LRRC69: variants seen among roughly 807,000 people sequenced by gnomAD.
LRRC69 encodes the protein leucine rich repeat containing 69.
Under a neutral mutation model 37.8 loss-of-function variants are expected in LRRC69, and 42 were observed. The observed-to-expected ratio is 1.11, with a 90% CI of 0.87 to 1.44. The LOEUF (loss-of-function observed/expected upper bound fraction) is 1.44. Among genes scored for constraint, LRRC69 ranks in the 40% most tolerant of loss-of-function variants. The probability of loss-of-function intolerance (pLI) is 0.00; values close to 1 mark genes in which losing one functional copy is unlikely to be tolerated. For synonymous variants in LRRC69, 141 were observed against 143.1 expected (o/e 0.99, Z 0.11); for missense variants, 357 against 401.9 (o/e 0.89, Z 0.96).
At chr8:91,125,155 T>A (rs1214882353) in intron 2 of LRRC69, among the ~76,000 whole-genome samples, 1 of 151,776 alleles carries the variant, frequency 6.6e-6, no homozygotes, top group Non-Finnish European at 1.5e-5. Flanking sequence ...ATTCCTAGAG[T>A]GGGCTTAAGG....
chr8:91,190,259 G>T (rs1334643770), intron 6 of LRRC69, among the ~76,000 whole-genome samples: 1 of 151,242 alleles, frequency 6.6e-6, no homozygotes, highest in Non-Finnish European at 1.5e-5. Flanking sequence ...TTGTCCAGTG[G>T]CTTACTTTGT....
intron 5 of LRRC69, among the ~76,000 whole-genome samples, chr8:91,159,006 T>C (rs768762279): frequency 6.6e-6 from 1 of 151,180 alleles, no homozygotes; most frequent in African/African-American, 2.4e-5. Flanking sequence ...AGTCTAATCA[T>C]ATCACCACTA....
chr8:91,217,938 G>C (rs1810083865), intron 7 of LRRC69, among the ~76,000 whole-genome samples: 1 of 152,118 alleles, frequency 6.6e-6, no homozygotes, highest in Admixed American at 6.6e-5. Context: ...TGTGTGAAGG[G>C]GATGTGACTT....
chr8:91,153,911 A>G (rs1808786657), intron 5 of LRRC69, among the ~76,000 whole-genome samples: 1 of 151,874 alleles, frequency 6.6e-6, no homozygotes, highest in Admixed American at 6.6e-5. Flanking sequence ...TTCAAAAAAA[A>G]TCAATGAATC....
intron 3 of LRRC69, among the ~76,000 whole-genome samples, 153 bp from the exon 4 acceptor site, chr8:91,132,957 A>G (rs1375860081): frequency 2.0e-5 from 3 of 152,140 alleles, no homozygotes; most frequent in Non-Finnish European, 4.4e-5. Context: ...TTTTATACTC[A>G]TGATCACAAT....
intron 5 of LRRC69, among the ~76,000 whole-genome samples, chr8:91,168,418 A>G (rs1450913578): frequency 1.3e-5 from 2 of 151,910 alleles, no homozygotes; most frequent in African/African-American, 4.8e-5. Flanking sequence ...CATGTGTCAC[A>G]GTTCTGGCTA....
chr8:91,127,155 C>G, exon 3 of LRRC69: 1 of 1,548,272 alleles, frequency 6.5e-7, no homozygotes, highest in Non-Finnish European at 8.7e-7. Flanking sequence ...CTCAAGAAGT[C>G]AGCAGGTAAT....
chr8:91,118,268 G>T (rs1165295321), intron 1 of LRRC69: 1 of 449,972 alleles, frequency 2.2e-6, no homozygotes, highest in African/African-American at 2.1e-5. Flanking sequence ...ACTTTGGGAG[G>T]CTGAGGCAGG....
At chr8:91,190,126 A>G (rs1809469685) in intron 6 of LRRC69, among the ~76,000 whole-genome samples, 2 of 152,180 alleles carry the variant, frequency 1.3e-5, no homozygotes, top group Non-Finnish European at 2.9e-5. Flanking sequence ...TTTGGCTATG[A>G]TTCTCCATCA....
chr8:91,155,230 A>C (rs1055744296), intron 5 of LRRC69, among the ~76,000 whole-genome samples: 3 of 147,932 alleles, frequency 2.0e-5, no homozygotes, highest in African/African-American at 7.7e-5. Context: ...TACCCTAAAA[A>C]TTAAAAAAAA....
intron 5 of LRRC69, among the ~76,000 whole-genome samples, chr8:91,156,167 C>T (rs72666031): frequency 0.038 from 5,690 of 150,874 alleles, 172 homozygotes; most frequent in Non-Finnish European, 0.061. Context: ...TTCCCATTTA[C>T]AGTGTATGAG....
At chr8:91,195,364 T>A (rs1174582877) in intron 6 of LRRC69, among the ~76,000 whole-genome samples, 2 of 151,470 alleles carry the variant, frequency 1.3e-5, no homozygotes, top group Non-Finnish European at 2.9e-5. Flanking sequence ...TTAGGTCCGC[T>A]TGGTGCAGAG....
At chr8:91,191,171 T>A (rs1809489790) in intron 6 of LRRC69, among the ~76,000 whole-genome samples, 1 of 151,906 alleles carries the variant, frequency 6.6e-6, no homozygotes, top group African/African-American at 2.4e-5. Flanking sequence ...AGAACTGACA[T>A]CTTGTAAAGT....
intron 5 of LRRC69, among the ~76,000 whole-genome samples, chr8:91,171,719 T>G (rs1809135555): frequency 6.6e-6 from 1 of 152,058 alleles, no homozygotes; most frequent in South Asian, 2.1e-4. Flanking sequence ...ATTTACACAT[T>G]GGTAATCAGA....
At chr8:91,190,680 G>T (rs1320823095) in intron 6 of LRRC69, among the ~76,000 whole-genome samples, 2 of 151,990 alleles carry the variant, frequency 1.3e-5, no homozygotes, top group African/African-American at 4.8e-5. Context: ...TGTATATGAT[G>T]ATATCATAAT....
At chr8:91,152,190 A>C (rs559460655) in intron 5 of LRRC69, among the ~76,000 whole-genome samples, 3 of 151,364 alleles carry the variant, frequency 2.0e-5, no homozygotes, top group South Asian at 4.1e-4. Flanking sequence ...TGGTGATTTC[A>C]TCATAATATC....
chr8:91,195,173 C>A (rs1028249070), intron 6 of LRRC69, among the ~76,000 whole-genome samples: 29 of 152,046 alleles, frequency 1.9e-4, no homozygotes, highest in African/African-American at 7.0e-4. Flanking sequence ...ATTCTTAATC[C>A]TGAGTTCTAG....
intron 5 of LRRC69, among the ~76,000 whole-genome samples, chr8:91,169,629 T>C (rs1381277531): frequency 7.1e-6 from 1 of 141,772 alleles, no homozygotes; most frequent in East Asian, 2.1e-4. Context: ...CACTAACTCA[T>C]CATCTAGCAT....
chr8:91,191,046 C>T (rs116471714), intron 6 of LRRC69, among the ~76,000 whole-genome samples: 5 of 142,572 alleles, frequency 3.5e-5, no homozygotes, highest in East Asian at 4.4e-4. Flanking sequence ...CTCAAACCCC[C>T]CCCCCCCCAA....
Sources: gnomAD v4.1 joint callset for allele counts (sites outside exome capture counted in the v4.1 genomes callset) on GRCh38, gnomAD v4.1.1 for gene constraint, MANE v1.5 for transcripts, NCBI Gene and HGNC (gene_info 2026-07-23, HGNC 2026-07-21) for gene names.